LHFPL6: variants seen among roughly 807,000 people sequenced by gnomAD.
LHFPL6 encodes the protein LHFPL tetraspan subfamily member 6 protein.
LHFPL6 carries 9 observed loss-of-function variants against 20.6 expected under a neutral mutation model. The ratio of observed to expected loss-of-function variants is 0.44; its 90% CI spans 0.26 to 0.76. LHFPL6 has a LOEUF of 0.76. Among genes scored for constraint, LHFPL6 ranks in the 30% least tolerant of loss-of-function variants. The pLI is 0.20. For missense variants in LHFPL6, 218 were observed against 253.5 expected (o/e 0.86, Z 0.95); for synonymous variants, 105 against 98.7 (o/e 1.06, Z -0.38).
chr13:39,365,213 T>C (rs1490579698), intron 3 of LHFPL6, among the ~76,000 whole-genome samples: 1 of 152,214 alleles, frequency 6.6e-6, no homozygotes, highest in African/African-American at 2.4e-5. Context: ...ATGTGAACTA[T>C]GGCTGCAGCC....
chr13:39,522,831 G>A (rs1009585861), intron 2 of LHFPL6, among the ~76,000 whole-genome samples: 1 of 152,128 alleles, frequency 6.6e-6, no homozygotes. Flanking sequence ...ATAGTGTCTC[G>A]CTCTTGATTT....
intron 2 of LHFPL6, among the ~76,000 whole-genome samples, chr13:39,539,129 A>C (rs1870716550): frequency 6.6e-6 from 1 of 152,230 alleles, no homozygotes; most frequent in Non-Finnish European, 1.5e-5. Flanking sequence ...TCAATTAAAA[A>C]ATAGAAGCTG....
chr13:39,483,483 A>T (rs1470819989), intron 2 of LHFPL6, among the ~76,000 whole-genome samples: 9 of 137,864 alleles, frequency 6.5e-5, no homozygotes, highest in African/African-American at 1.3e-4. Context: ...CCTCATTACA[A>T]TTTTTTTTTT....
intron 2 of LHFPL6, among the ~76,000 whole-genome samples, chr13:39,443,486 A>G (rs1872194818): frequency 6.6e-6 from 1 of 152,206 alleles, no homozygotes; most frequent in Non-Finnish European, 1.5e-5. Context: ...TGGGTAATGC[A>G]TAGAGGCTGG....
chr13:39,431,009 T>C (rs1426392781), intron 2 of LHFPL6, among the ~76,000 whole-genome samples: 1 of 152,152 alleles, frequency 6.6e-6, no homozygotes, highest in East Asian at 1.9e-4. Flanking sequence ...TAATACCCAC[T>C]GCAAAGGTCT....
intron 2 of LHFPL6, among the ~76,000 whole-genome samples, chr13:39,539,044 GT>G (rs1299865489): frequency 6.6e-6 from 1 of 152,134 alleles, no homozygotes; most frequent in East Asian, 1.9e-4. Flanking sequence ...GTGCATGGCT[GT>G]GTTTCAGTAA....
In LHFPL6 at chr13:39,444,898, C is replaced by CT. The variant is rs1262782450; in HGVS notation, c.386-66373dup. 2.0e-5 allele frequency among the ~76,000 whole-genome samples: 3 copies of CT among 152,184 alleles called. No homozygotes were observed. In the East Asian group the frequency reaches 5.8e-4, roughly 29 times the overall value. On this transcript the variant is annotated intron_variant, in intron 2 of 3. Coordinates refer to ENST00000379589, the MANE Select transcript of LHFPL6 (RefSeq NM_005780.3). ...GAACCACAGAGTCACCAGTGTGCAACTCCAGCCTGGAAAAACTGCAGGCAC... is the reference window on the plus strand; with the variant it reads ...GAACCACAGAGTCACCAGTGTGCAACTTCCAGCCTGGAAAAACTGCAGGCAC...
intron 2 of LHFPL6, among the ~76,000 whole-genome samples, chr13:39,400,338 T>C (rs1167114907): frequency 3.9e-5 from 6 of 152,186 alleles, no homozygotes; most frequent in Non-Finnish European, 8.8e-5. Context: ...TTCACAGCCA[T>C]ACAAGCCCCA....
chr13:39,400,681 G>A (rs1870964125), intron 2 of LHFPL6, among the ~76,000 whole-genome samples: 1 of 148,650 alleles, frequency 6.7e-6, no homozygotes, highest in Non-Finnish European at 1.5e-5. Flanking sequence ...TACTTGGGAG[G>A]CTGAGGCAGG....
At chr13:39,548,711 G>A (rs766349634) in intron 2 of LHFPL6, among the ~76,000 whole-genome samples, 1 of 152,088 alleles carries the variant, frequency 6.6e-6, no homozygotes, top group African/African-American at 2.4e-5. Context: ...CCATGCCTCA[G>A]TAAAAGAAAC....
rs564532766 is a variant in LHFPL6, at chr13:39,490,904, C to A, written c.385+109928G>T. On this transcript the variant is annotated intron_variant, in intron 2 of 3. Transcript: ENST00000379589. ...GAGCAGTATTAAATCCAAGTACTTC[C>A]GATTATTTCAAGCATGTGGGCAAAA... 3.3e-5 allele frequency among the ~76,000 whole-genome samples: 5 copies of A among 152,182 alleles called. No homozygotes were observed. The South Asian group carries it at 1.0e-3, about 32-fold the overall frequency.
At chr13:39,582,109 C>T (rs1006706163) in intron 2 of LHFPL6, among the ~76,000 whole-genome samples, 2 of 152,214 alleles carry the variant, frequency 1.3e-5, no homozygotes, top group Admixed American at 1.3e-4. Context: ...CTCAACTCAT[C>T]CCCTTGCTTC....
At chr13:39,490,832 T>C (rs1868901295) in intron 2 of LHFPL6, among the ~76,000 whole-genome samples, 1 of 152,222 alleles carries the variant, frequency 6.6e-6, no homozygotes, top group South Asian at 2.1e-4. Flanking sequence ...AATGTCACTC[T>C]CTTCCCATTT....
At chr13:39,422,586 C>CA (rs11311637) in intron 2 of LHFPL6, among the ~76,000 whole-genome samples, 2,490 of 118,774 alleles carry the variant, frequency 0.021, 86 homozygotes, top group African/African-American at 0.076. Context: ...AACTCCAACT[C>CA]AAAAAAAAAA....
At chr13:39,533,870 C>T (rs1593352549) in intron 2 of LHFPL6, among the ~76,000 whole-genome samples, 1 of 152,120 alleles carries the variant, frequency 6.6e-6, no homozygotes, top group Non-Finnish European at 1.5e-5. Flanking sequence ...GTGAAGAACC[C>T]GTATTTGAAT....
intron 2 of LHFPL6, among the ~76,000 whole-genome samples, chr13:39,510,621 C>T (rs1869660323): frequency 6.6e-6 from 1 of 151,990 alleles, no homozygotes; most frequent in Admixed American, 6.6e-5. Flanking sequence ...ATCAAGAGAT[C>T]AGAACACATC....
intron 2 of LHFPL6, among the ~76,000 whole-genome samples, chr13:39,511,058 A>T (rs1381293176): frequency 6.6e-6 from 1 of 152,082 alleles, no homozygotes; most frequent in Admixed American, 6.6e-5. Context: ...TTTTTGGTAG[A>T]GACGGAGTTT....
At chr13:39,442,534 T>G (rs892177012) in intron 2 of LHFPL6, among the ~76,000 whole-genome samples, 1 of 152,156 alleles carries the variant, frequency 6.6e-6, no homozygotes, top group East Asian at 1.9e-4. Context: ...AGGGAAGGCA[T>G]GAAAGAAGAA....
chr13:39,474,917 T>A (rs563712520), intron 2 of LHFPL6, among the ~76,000 whole-genome samples: 1 of 152,288 alleles, frequency 6.6e-6, no homozygotes, highest in African/African-American at 2.4e-5. Flanking sequence ...GTGGAACTGA[T>A]TCTTCAAAGA....
Sources: allele counts gnomAD v4.1 joint callset (sites outside exome capture counted in the v4.1 genomes callset), GRCh38; gene constraint gnomAD v4.1.1; transcripts MANE v1.5; gene names NCBI Gene and HGNC (gene_info 2026-07-23, HGNC 2026-07-21).